Variants in EPHB2 observed in about 807,000 individuals in gnomAD.
The protein encoded by EPHB2 is ephrin type-B receptor 2.
EPHB2 carries 18 observed loss-of-function variants against 96.4 expected under a neutral mutation model. The observed-to-expected ratio is 0.19, with a 90% CI of 0.13 to 0.28. EPHB2 has a LOEUF of 0.28. Ranked by LOEUF, EPHB2 falls within the 10% of genes least tolerant of loss-of-function variation. EPHB2 has a pLI of 1.00. For missense variants in EPHB2, 989 were observed against 1,355.4 expected (o/e 0.73, Z 4.25); for synonymous variants, 506 against 534.1 (o/e 0.95, Z 0.72).
chr1:22,753,581 T>TGCAGA (rs1644098476), intron 1 of EPHB2, among the ~76,000 whole-genome samples: 1 of 152,066 alleles, frequency 6.6e-6, no homozygotes, highest in Non-Finnish European at 1.5e-5. Context: ...GCTGGCTAGG[T>TGCAGA]GCAGAGACCA....
chr1:22,804,680 C>T (rs10917304), intron 3 of EPHB2, among the ~76,000 whole-genome samples: 29,445 of 151,498 alleles, frequency 0.19, 2,968 homozygotes, highest in South Asian at 0.34. Context: ...CTTTCCCATC[C>T]CACACCCTTC....
At chr1:22,744,717 A>G (rs938480977) in intron 1 of EPHB2, among the ~76,000 whole-genome samples, 4 of 148,420 alleles carry the variant, frequency 2.7e-5, no homozygotes, top group Non-Finnish European at 4.5e-5. Context: ...TAGGCCAGGC[A>G]TGGTGGCATG....
At chr1:22,890,656 CTTGAA>C (rs1476857524) in intron 6 of EPHB2, among the ~76,000 whole-genome samples, 2 of 152,160 alleles carry the variant, frequency 1.3e-5, no homozygotes, top group Non-Finnish European at 2.9e-5. Context: ...CAAATCTCAT[CTTGAA>C]TTGAAGTTCC....
At chr1:22,837,570 A>G (rs888403520) in intron 3 of EPHB2, among the ~76,000 whole-genome samples, 2 of 152,218 alleles carry the variant, frequency 1.3e-5, no homozygotes, top group African/African-American at 4.8e-5. Context: ...TGTTTAGTAG[A>G]TTAAACTAGG....
Position 22,913,837 on chromosome 1 carries a change from T to A in EPHB2, c.*267T>A. The A allele has an allele frequency of 6.2e-7, 1 of 1,610,306 alleles. No individual in the cohort carries two copies. Among genetic ancestry groups the A allele is most frequent in the Non-Finnish European group, 8.5e-7 (1 of 1,178,624 alleles). On this transcript the variant is annotated 3_prime_UTR_variant, in exon 16 of 16. Transcript: ENST00000374630. This position sits in a 1 kb window ranked among gnomAD's most constrained non-coding sequence, Gnocchi z 4.1. ...GAATATTTTTTAAAGAGGATTCTCA[T>A]AAGGAAAGCAATGACTGTTCTTGCG...
At chr1:22,728,932 C>T (rs764051687) in intron 1 of EPHB2, among the ~76,000 whole-genome samples, 2 of 152,196 alleles carry the variant, frequency 1.3e-5, no homozygotes, top group East Asian at 1.9e-4. Flanking sequence ...GGCTCCCTGA[C>T]GGCATCTGTC....
intron 5 of EPHB2, among the ~76,000 whole-genome samples, chr1:22,881,658 G>A (rs986390285): frequency 6.6e-6 from 1 of 152,188 alleles, no homozygotes; most frequent in African/African-American, 2.4e-5. Flanking sequence ...GCAATGGCAT[G>A]ATCTCGGCTC....
In EPHB2 at chr1:22,779,579, C is replaced by T. The variant is rs138847038; in HGVS notation, c.62-1842C>T. Among the ~76,000 whole-genome samples, 222 of 152,332 alleles carry T rather than the reference C, an allele frequency of 1.5e-3. 3 individuals carry two copies. The highest frequency in any genetic ancestry group is 5.1e-3 in the African/African-American group (211 of 41,570). On this transcript the variant is annotated intron_variant, in intron 1 of 15. Coordinates refer to ENST00000374630, the MANE Select transcript of EPHB2 (RefSeq NM_017449.5). Reference sequence around the variant, plus strand: ...GCTGCCTAGACACTGGGCACACAGCCCCAGTCTCCTGGTCCTTGTCATTTA... The same window carrying T: ...GCTGCCTAGACACTGGGCACACAGCTCCAGTCTCCTGGTCCTTGTCATTTA...
At position 22,882,481 on chromosome 1, in the gene EPHB2, A is replaced by G. The variant is rs757986859; in HGVS notation, c.1426A>G (p.Lys476Glu). 2.5e-6 allele frequency: 4 copies of G among 1,613,778 alleles called. No homozygotes were observed. In the South Asian group the frequency reaches 4.4e-5, roughly 18 times the overall value. The part of the protein sequence containing the change: ...ILDYELQYYE[K>E]ELSEYNATAI... ...GGACTATGAGCTGCAGTACTATGAG[A>G]AGGTACCTATTGGCTGGGTGCTGTC... Residue 476 changes from lysine to glutamate, a missense_variant and splice_region_variant, in exon 6 of 16, where the codon AAG (lysine) becomes GAG (glutamate). By Grantham distance (56) the Lys-to-Glu change is moderately conservative. Coordinates refer to ENST00000374630, the MANE Select transcript of EPHB2 (RefSeq NM_017449.5).
intron 6 of EPHB2, among the ~76,000 whole-genome samples, chr1:22,890,248 C>G (rs886622414): frequency 2.6e-5 from 4 of 152,146 alleles, no homozygotes; most frequent in African/African-American, 4.8e-5. Flanking sequence ...GCAGAAACCC[C>G]CTCCTGTGGC....
intron 2 of EPHB2, among the ~76,000 whole-genome samples, chr1:22,782,541 T>A (rs940870897): frequency 1.3e-5 from 2 of 151,944 alleles, no homozygotes; most frequent in Non-Finnish European, 2.9e-5. Context: ...TGTCACCAAT[T>A]TTCCATCTGC....
intron 1 of EPHB2, among the ~76,000 whole-genome samples, chr1:22,772,738 C>G (rs867993279): frequency 6.6e-6 from 1 of 152,178 alleles, no homozygotes; most frequent in Non-Finnish European, 1.5e-5. Flanking sequence ...TGGGGCAGAT[C>G]TCTGAGCCTC....
intron 3 of EPHB2, among the ~76,000 whole-genome samples, chr1:22,796,484 C>T (rs1644768434): frequency 6.6e-6 from 1 of 152,180 alleles, no homozygotes; most frequent in South Asian, 2.1e-4. Flanking sequence ...GACAACAGGC[C>T]AAGGAGAGGG....
At chr1:22,756,599 G>A (rs1435421491) in intron 1 of EPHB2, among the ~76,000 whole-genome samples, 5 of 152,280 alleles carry the variant, frequency 3.3e-5, no homozygotes, top group Middle Eastern at 3.4e-3. Flanking sequence ...GGCAGCGGGC[G>A]TGTGAGGCAG....
At chr1:22,885,543 T>A (rs1433821189) in intron 6 of EPHB2, among the ~76,000 whole-genome samples, 1 of 152,226 alleles carries the variant, frequency 6.6e-6, no homozygotes, top group Non-Finnish European at 1.5e-5. Context: ...TAGCATCTCA[T>A]TTATCCTCAC....
chr1:22,784,338 T>C lies in EPHB2; in HGVS notation c.127-54T>C. 2 of 1,560,264 alleles carry C rather than the reference T, an allele frequency of 1.3e-6. No homozygotes were observed. Among genetic ancestry groups the C allele is most frequent in the East Asian group, 2.2e-5 (1 of 44,588 alleles). ...TCTGTGTCTTCCACCTTAGACTGAGTGTGTGCTGGGGCTGAGCCCTTACCT... is the reference window on the plus strand; with the variant it reads ...TCTGTGTCTTCCACCTTAGACTGAGCGTGTGCTGGGGCTGAGCCCTTACCT... On this transcript the variant is annotated intron_variant, in intron 2 of 15. Coordinates refer to ENST00000374630, the MANE Select transcript of EPHB2 (RefSeq NM_017449.5). This position sits in a 1 kb window ranked among gnomAD's most constrained non-coding sequence, Gnocchi z 5.1.
chr1:22,877,915 G>A, intron 5 of EPHB2, among the ~76,000 whole-genome samples: 1 of 152,256 alleles, frequency 6.6e-6, no homozygotes, highest in Non-Finnish European at 1.5e-5. Context: ...TCAGTGGGGG[G>A]TGTTGTGGGG....
chr1:22,822,059 T>C (rs1645159617), intron 3 of EPHB2, among the ~76,000 whole-genome samples: 1 of 152,380 alleles, frequency 6.6e-6, no homozygotes, highest in African/African-American at 2.4e-5. Flanking sequence ...ATTACAGTGC[T>C]ACAATAAATG....
intron 1 of EPHB2, among the ~76,000 whole-genome samples, chr1:22,780,378 T>A (rs1644511806): frequency 6.6e-6 from 1 of 152,154 alleles, no homozygotes; most frequent in South Asian, 2.1e-4. Flanking sequence ...ACAGGCCATG[T>A]GACAGTTGGC....
Sources: gnomAD v4.1 joint callset for allele counts (sites outside exome capture counted in the v4.1 genomes callset) on GRCh38, gnomAD v4.1.1 for gene constraint, Gnocchi (gnomAD v3.1) non-coding constraint, MANE v1.5 for transcripts, NCBI Gene and HGNC (gene_info 2026-07-23, HGNC 2026-07-21) for gene names.